The following CUX2 variants were observed in gnomAD, a reference collection of about 807,000 sequenced individuals.
The protein encoded by CUX2 is cut like homeobox 2.
A neutral mutation model predicts 144.8 loss-of-function variants in CUX2; 40 were observed. That is an observed-to-expected ratio of 0.28 (90% CI 0.21 to 0.36). CUX2 has a LOEUF of 0.36. Among genes scored for constraint, CUX2 ranks in the 10% least tolerant of loss-of-function variants. CUX2 has a pLI of 1.00. For synonymous variants in CUX2, 827 were observed against 875.6 expected (o/e 0.94, Z 0.98); for missense variants, 1,615 against 1,994.0 (o/e 0.81, Z 3.62).
rs1012314337 is a variant in CUX2 at position 111,308,707 on chromosome 12, G to A, written c.1258+181G>A. On this transcript the variant is annotated intron_variant, in intron 14 of 21. Transcript: ENST00000261726. ...CTGCAGGGCATCCACAAACACCCAC[G>A]TCATCGTTGGGGTCACACAGCTGGT... 3.3e-5 allele frequency among the ~76,000 whole-genome samples: 5 copies of A among 152,176 alleles called. No homozygotes were observed. In the East Asian group the frequency reaches 5.8e-4, roughly 18 times the overall value.
chr12:111,123,857 C>T (rs971881641), intron 1 of CUX2, among the ~76,000 whole-genome samples: 1 of 152,176 alleles, frequency 6.6e-6, no homozygotes, highest in African/African-American at 2.4e-5. Flanking sequence ...TCTTAAAACC[C>T]ACAGAGGGTG....
chr12:111,177,477 A>C (rs1427193406), intron 1 of CUX2, among the ~76,000 whole-genome samples: 2 of 151,998 alleles, frequency 1.3e-5, no homozygotes, highest in Non-Finnish European at 2.9e-5. Flanking sequence ...TGCAGCCTCT[A>C]CCTTCCAGGC....
intron 1 of CUX2, among the ~76,000 whole-genome samples, chr12:111,179,571 G>A (rs956874238): frequency 1.3e-5 from 2 of 151,770 alleles, no homozygotes; most frequent in Non-Finnish European, 2.9e-5. Context: ...AGTTCATTCC[G>A]GCTGATCTGA....
At position 111,255,478 on chromosome 12, in the gene CUX2, C is replaced by T. The variant is rs1473051751; in HGVS notation, c.223-8283C>T. ...AGTCCTGCAGCTCCTCCTGGCCTCC[C>T]GTCCCCCACCTACCTGCCGGCCTGG... On this transcript the variant is annotated intron_variant, in intron 3 of 21. Transcript: ENST00000261726. The surrounding 1 kb of genome is among the most constrained non-coding windows in gnomAD (Gnocchi z 4.1). 2.6e-5 allele frequency among the ~76,000 whole-genome samples: 4 copies of T among 152,204 alleles called. No individual in the cohort carries two copies. Among genetic ancestry groups the T allele is most frequent in the Admixed American group, 6.5e-5 (1 of 15,282 alleles).
rs573144774 is a variant in CUX2, at chr12:111,105,121, T to C, written c.63+70881T>C. The stretch of plus-strand genomic sequence containing the variant: ...CCCCAGAATTGACTCGGGGGCCACA[T>C]TGAGGGTCAGGGCCCTGCGCTGGGG... On this transcript the variant is annotated intron_variant, in intron 1 of 21. Transcript: ENST00000261726. 2.6e-5 allele frequency among the ~76,000 whole-genome samples: 4 copies of C among 152,292 alleles called. No homozygotes were observed. In the East Asian group the frequency reaches 5.8e-4, roughly 22 times the overall value.
intron 3 of CUX2, among the ~76,000 whole-genome samples, chr12:111,226,475 T>C (rs1393679724): frequency 6.6e-6 from 1 of 152,222 alleles, no homozygotes; most frequent in East Asian, 1.9e-4. Flanking sequence ...CAATCCTCTT[T>C]CATTCAGTAT....
intron 1 of CUX2, among the ~76,000 whole-genome samples, chr12:111,175,346 T>C (rs1411561579): frequency 6.7e-6 from 1 of 149,790 alleles, no homozygotes; most frequent in Non-Finnish European, 1.5e-5. Flanking sequence ...CACACCTTTT[T>C]TTTTTTTTTT....
chr12:111,279,526 C>T (rs560583776), intron 4 of CUX2, among the ~76,000 whole-genome samples: 1 of 152,316 alleles, frequency 6.6e-6, no homozygotes, highest in African/African-American at 2.4e-5. Context: ...CTGATGTCCT[C>T]AGAAGAAGAG....
chr12:111,298,611 C>G, intron 9 of CUX2, 22 bp downstream of exon 9: 1 of 1,557,092 alleles, frequency 6.4e-7, no homozygotes, highest in Non-Finnish European at 8.7e-7. Context: ...CAGTTCCCAC[C>G]CGTGGGTGCC....
Position 111,318,444 on chromosome 12 carries a change from G to A in CUX2, c.2003-1568G>A, listed in dbSNP as rs763970543. 5.3e-5 allele frequency among the ~76,000 whole-genome samples: 8 copies of A among 150,780 alleles called. No individual in the cohort carries two copies. The South Asian group carries it at 6.4e-4, about 12-fold the overall frequency. ...TTATTAGGATTCACACAAAGGGCAC[G>A]GTAGCTCATACCTGTAGTCCTAGCT... On this transcript the variant is annotated intron_variant, in intron 16 of 21. Transcript: ENST00000261726.
In CUX2 at chr12:111,039,370, G is replaced by A. The variant is rs921442195; in HGVS notation, c.63+5130G>A. ...ATGGTAGAGGTTGGCAGGGGGGAAGGACCCCAAGAACTGTATTCTGTGTGG... is the reference window on the plus strand; with the variant it reads ...ATGGTAGAGGTTGGCAGGGGGGAAGAACCCCAAGAACTGTATTCTGTGTGG... On this transcript the variant is annotated intron_variant, in intron 1 of 21. Transcript: ENST00000261726. The surrounding 1 kb of genome is among the most constrained non-coding windows in gnomAD (Gnocchi z 4.2). 6.6e-6 allele frequency among the ~76,000 whole-genome samples: 1 copy of A among 152,096 alleles called. No individual in the cohort carries two copies. The highest frequency in any genetic ancestry group is 2.4e-5 in the African/African-American group (1 of 41,402).
At chr12:111,338,058 C>A (rs1254511546) in intron 19 of CUX2, among the ~76,000 whole-genome samples, 2 of 151,906 alleles carry the variant, frequency 1.3e-5, no homozygotes, top group African/African-American at 2.4e-5. Context: ...AAAAAAAGCT[C>A]TTTTGTTGGT....
chr12:111,199,276 C>A (rs1216985996), intron 1 of CUX2, among the ~76,000 whole-genome samples: 1 of 152,134 alleles, frequency 6.6e-6, no homozygotes, highest in South Asian at 2.1e-4. Context: ...TTAGAGCTAG[C>A]AAGAGCAGCA....
At chr12:111,273,245 G>A (rs1248133532) in intron 4 of CUX2, among the ~76,000 whole-genome samples, 1 of 152,080 alleles carries the variant, frequency 6.6e-6, no homozygotes, top group African/African-American at 2.4e-5. Flanking sequence ...TCATTTCTGG[G>A]GTACTTTCTG....
chr12:111,313,228 A>AT (rs1336966730), intron 16 of CUX2, among the ~76,000 whole-genome samples: 38,645 of 140,462 alleles, frequency 0.28, 7,615 homozygotes, highest in East Asian at 0.74. Flanking sequence ...CACCTGGCTA[A>AT]TTTTTTTTTT....
intron 1 of CUX2, among the ~76,000 whole-genome samples, chr12:111,210,797 C>CAA (rs543644206): frequency 8.0e-6 from 1 of 125,186 alleles, no homozygotes. Context: ...GACCCTGTCT[C>CAA]AAAAAAAAAA....
chr12:111,310,252 G>A lies in CUX2; in HGVS notation c.1470G>A (p.Leu490=), dbSNP rs1280986048. 17 of 1,508,740 alleles carry A rather than the reference G, an allele frequency of 1.1e-5. No homozygotes were observed. The highest frequency in any genetic ancestry group is 2.3e-5 in the Admixed American group (1 of 44,182). The allele number at this position is 1,508,740 out of a possible 1,614,324, so 93.5% of individuals were successfully genotyped here. The change falls in exon 15 of 22, where the codon CTG becomes CTA. Residue 490 remains leucine (L), a synonymous_variant. Coordinates refer to ENST00000261726, the MANE Select transcript of CUX2 (RefSeq NM_015267.4). This position sits in a 1 kb window ranked among gnomAD's most constrained non-coding sequence, Gnocchi z 7.9. ...PFPSLASGER[L]MMPPAAFKGE... ...CCAGCCTGGCATCAGGGGAGAGACT[G>A]ATGATGCCCCCAGCCGCCTTCAAGG...
intron 1 of CUX2, among the ~76,000 whole-genome samples, chr12:111,066,358 A>G (rs1871019567): frequency 6.6e-6 from 1 of 152,212 alleles, no homozygotes; most frequent in Non-Finnish European, 1.5e-5. Context: ...GTTACTGGAC[A>G]CTGAAGTCCT....
rs1884256308 is a variant in CUX2, at chr12:111,263,921, G to A, written c.301+82G>A. The A allele has an allele frequency of 1.5e-6, 2 of 1,325,246 alleles. No individual in the cohort carries two copies. Among genetic ancestry groups the A allele is most frequent in the African/African-American group, 1.4e-5 (1 of 69,194 alleles). 82.1% of individuals were successfully genotyped at this position (1,325,246 alleles called of 1,614,324 possible). On this transcript the variant is annotated intron_variant, in intron 4 of 21. Transcript: ENST00000261726. The surrounding 1 kb of genome is among the most constrained non-coding windows in gnomAD (Gnocchi z 4.0). ...GACTGTGACACAGGGACTTTGAGGT[G>A]GGATGTGGGGACATGCCTGGGCTCC...
Sources: gnomAD v4.1 joint callset for allele counts (sites outside exome capture counted in the v4.1 genomes callset) on GRCh38, gnomAD v4.1.1 for gene constraint, Gnocchi (gnomAD v3.1) non-coding constraint, MANE v1.5 for transcripts, NCBI Gene and HGNC (gene_info 2026-07-23, HGNC 2026-07-21) for gene names.